The following UBE2G1 variants were observed in gnomAD, a reference collection of about 807,000 sequenced individuals.
UBE2G1 encodes ubiquitin-conjugating enzyme E2 G1.
Under a neutral mutation model 22.7 loss-of-function variants are expected in UBE2G1, and 5 were observed. That is an observed-to-expected ratio of 0.22 (90% CI 0.12 to 0.46). The LOEUF (loss-of-function observed/expected upper bound fraction) is 0.46, where lower values mean the gene tolerates loss of function less well. Among genes scored for constraint, UBE2G1 ranks in the 20% least tolerant of loss-of-function variants. The pLI, the probability that UBE2G1 is intolerant of heterozygous loss-of-function variation, is 0.99. For missense variants in UBE2G1, 88 were observed against 203.9 expected (o/e 0.43, Z 3.46); for synonymous variants, 74 against 67.5 (o/e 1.10, Z -0.47).
At chr17:4,303,733 T>A (rs1024777206) in intron 2 of UBE2G1, among the ~76,000 whole-genome samples, 1 of 152,232 alleles carries the variant, frequency 6.6e-6, no homozygotes, top group Non-Finnish European at 1.5e-5. Context: ...ATAACTGGAA[T>A]AGAATTTTGC....
chr17:4,276,867 T>C (rs906586523), intron 5 of UBE2G1, among the ~76,000 whole-genome samples: 6 of 152,266 alleles, frequency 3.9e-5, no homozygotes, highest in East Asian at 1.9e-4. Context: ...GTCAATACTA[T>C]GTTAGAATGA....
intron 1 of UBE2G1, among the ~76,000 whole-genome samples, chr17:4,353,910 T>C (rs1276719811): frequency 6.7e-6 from 1 of 149,964 alleles, no homozygotes; most frequent in Non-Finnish European, 1.5e-5. Flanking sequence ...CTCTGCCTTC[T>C]GGGTTCAAGA....
At chr17:4,355,644 A>G (rs1567531009) in intron 1 of UBE2G1, among the ~76,000 whole-genome samples, 1 of 146,920 alleles carries the variant, frequency 6.8e-6, no homozygotes, top group Non-Finnish European at 1.5e-5. Context: ...CTCCATCTCA[A>G]AAAAAAAAAA....
rs115786458 is a variant in UBE2G1 at position 4,307,294 on chromosome 17, G to A, written c.47-171C>T. 2.7e-3 allele frequency among the ~76,000 whole-genome samples: 405 copies of A among 152,260 alleles called. 2 individuals carry two copies. Among genetic ancestry groups the A allele is most frequent in the African/African-American group, 9.1e-3 (376 of 41,544 alleles). The stretch of plus-strand genomic sequence containing the variant: ...GCCAAAACATTTTCATGCCTATACT[G>A]TAAGAAAGCCCTGGGTAAAGCAAAC... On this transcript the variant is annotated intron_variant, in intron 1 of 5. Transcript: ENST00000396981.
intron 1 of UBE2G1, among the ~76,000 whole-genome samples, chr17:4,340,894 T>TTAA (rs1439408522): frequency 8.8e-4 from 98 of 111,074 alleles, no homozygotes; most frequent in African/African-American, 3.6e-3. Flanking sequence ...TTCACGTATT[T>TTAA]AAAAAAAAAA....
chr17:4,323,206 G>A (rs958562206), intron 1 of UBE2G1, among the ~76,000 whole-genome samples: 2 of 152,076 alleles, frequency 1.3e-5, no homozygotes, highest in African/African-American at 2.4e-5. Context: ...AAAAGAAAAC[G>A]TGTCAGGCTA....
intron 1 of UBE2G1, among the ~76,000 whole-genome samples, chr17:4,325,743 C>T (rs1969498451): frequency 6.6e-6 from 1 of 152,138 alleles, no homozygotes; most frequent in African/African-American, 2.4e-5. Context: ...AATCAAAACA[C>T]TGTGGTATTG....
chr17:4,325,423 T>G (rs747051748), intron 1 of UBE2G1, among the ~76,000 whole-genome samples: 46 of 152,358 alleles, frequency 3.0e-4, no homozygotes, highest in South Asian at 6.2e-4. Flanking sequence ...CATATTTACA[T>G]TGCATGTATC....
chr17:4,359,303 T>C (rs963242250), intron 1 of UBE2G1, among the ~76,000 whole-genome samples: 3 of 151,992 alleles, frequency 2.0e-5, no homozygotes, highest in South Asian at 2.1e-4. Context: ...TTTTAACATA[T>C]CCCTAGCCAA....
chr17:4,289,450 T>A (rs754158516), intron 3 of UBE2G1, 42 bp from the exon 4 acceptor site: 1 of 1,469,856 alleles, frequency 6.8e-7, no homozygotes, highest in Non-Finnish European at 9.0e-7. Flanking sequence ...TATTACTAAT[T>A]TGGTTATACA....
intron 1 of UBE2G1, among the ~76,000 whole-genome samples, chr17:4,314,187 G>A (rs72829386): frequency 7.2e-5 from 11 of 152,018 alleles, no homozygotes; most frequent in Non-Finnish European, 1.2e-4. Context: ...TCACTAAAAC[G>A]GACCAGGGCT....
At chr17:4,330,619 C>G (rs908814425) in intron 1 of UBE2G1, among the ~76,000 whole-genome samples, 1 of 151,670 alleles carries the variant, frequency 6.6e-6, no homozygotes, top group South Asian at 2.1e-4. Context: ...TGCCTGTAAT[C>G]CCAGCTGCTT....
intron 5 of UBE2G1, among the ~76,000 whole-genome samples, chr17:4,273,473 T>C (rs531869893): frequency 6.6e-6 from 1 of 152,248 alleles, no homozygotes; most frequent in Admixed American, 6.5e-5. Flanking sequence ...CCCAAGCAGC[T>C]GGGACCACAG....
Position 4,271,002 on chromosome 17 carries a change from T to A in UBE2G1, c.*1552A>T, listed in dbSNP as rs1216989410. On this transcript the variant is annotated 3_prime_UTR_variant, in exon 6 of 6. Coordinates refer to ENST00000396981, the MANE Select transcript of UBE2G1 (RefSeq NM_003342.5). ...TCACAATCAAACACCATGTCCCATC[T>A]GCTACTGTCTCAAGTTCTATCCCTT... The A allele has an allele frequency of 6.6e-6, 1 of 152,242 alleles. No individual in the cohort carries two copies. Among genetic ancestry groups the A allele is most frequent in the Non-Finnish European group, 1.5e-5 (1 of 68,048 alleles). 9.4% of individuals were successfully genotyped at this position (152,242 alleles called of 1,614,324 possible). A position where few individuals can be genotyped will look rare whatever the true frequency, so the allele number is the denominator to read the frequency against.
intron 1 of UBE2G1, among the ~76,000 whole-genome samples, chr17:4,308,591 C>T (rs1969273866): frequency 2.0e-5 from 3 of 152,194 alleles, no homozygotes; most frequent in Non-Finnish European, 4.4e-5. Context: ...ACCAACACAA[C>T]AACAATCACA....
chr17:4,289,772 C>A (rs1969012139), intron 3 of UBE2G1, among the ~76,000 whole-genome samples: 1 of 152,094 alleles, frequency 6.6e-6, no homozygotes, highest in Non-Finnish European at 1.5e-5. Flanking sequence ...CATATTTTTC[C>A]AAAAACTAGC....
chr17:4,355,642 CAA>C (rs57087475), intron 1 of UBE2G1, among the ~76,000 whole-genome samples: 3 of 101,974 alleles, frequency 2.9e-5, no homozygotes, highest in Non-Finnish European at 2.1e-5. Context: ...AACTCCATCT[CAA>C]AAAAAAAAAA....
chr17:4,309,654 T>C (rs774568273), intron 1 of UBE2G1, among the ~76,000 whole-genome samples: 8 of 152,182 alleles, frequency 5.3e-5, no homozygotes, highest in Non-Finnish European at 8.8e-5. Flanking sequence ...ACATGACTGA[T>C]CTCATTTCCA....
intron 2 of UBE2G1, among the ~76,000 whole-genome samples, chr17:4,297,311 C>A (rs760172725): frequency 3.9e-5 from 6 of 152,038 alleles, no homozygotes; most frequent in Admixed American, 1.3e-4. Flanking sequence ...CATCATTTAA[C>A]AAGTATTTAC....
Sources: gnomAD v4.1 joint callset for allele counts (sites outside exome capture counted in the v4.1 genomes callset) on GRCh38, gnomAD v4.1.1 for gene constraint, MANE v1.5 for transcripts, NCBI Gene and HGNC (gene_info 2026-07-23, HGNC 2026-07-21) for gene names.